BOC: variants seen among roughly 807,000 people sequenced by gnomAD.
The protein encoded by BOC is BOC cell adhesion associated, oncogene regulated.
BOC carries 76 observed loss-of-function variants against 112.0 expected under a neutral mutation model. That is an observed-to-expected ratio of 0.68 (90% confidence interval 0.56 to 0.82). BOC has a LOEUF of 0.82. BOC is among the 40% of genes least tolerant of loss of function. The probability of loss-of-function intolerance (pLI) is 0.00; values close to 1 mark genes in which losing one functional copy is unlikely to be tolerated. For missense variants in BOC, 1,309 were observed against 1,511.7 expected, an observed-to-expected ratio of 0.87 and a Z score of 2.22; for synonymous variants, 580 against 599.8, an observed-to-expected ratio of 0.97 and a Z score of 0.48.
chr3:113,241,569 A>G (rs1467134737), intron 2 of BOC, among the ~76,000 whole-genome samples: 1 of 152,174 alleles, frequency 6.6e-6, no homozygotes, highest in African/African-American at 2.4e-5. Context: ...GGACCTTTTG[A>G]AAGGAAGAAA....
chr3:113,273,072 C>A lies in BOC; in HGVS notation c.965C>A (p.Pro322His), dbSNP rs1230447020. 2.5e-6 allele frequency: 4 copies of A among 1,598,332 alleles called. No homozygotes were observed. Among genetic ancestry groups the A allele is most frequent in the Non-Finnish European group, 3.4e-6 (4 of 1,167,516 alleles). ...VILYNVQVFE[P>H]PEVTMELSQL... is the part of the protein sequence containing the mutation. ...CCCTGCTCTGGTTTCCTGGCAGAAC[C>A]CCCTGAGGTCACCATGGAGCTATCC... Residue 322 changes from proline to histidine, a missense_variant, in exon 8 of 20, where the codon CCC becomes CAC. Pro to His is a moderately conservative substitution (Grantham distance 77, BLOSUM62 -2). Transcript: ENST00000682979.
intron 2 of BOC, among the ~76,000 whole-genome samples, chr3:113,232,555 C>T (rs1004559797): frequency 1.5e-4 from 18 of 118,982 alleles, no homozygotes; most frequent in Non-Finnish European, 2.9e-4. Context: ...GAGCTGTTTG[C>T]TGTGCGAGTG....
intron 4 of BOC, among the ~76,000 whole-genome samples, chr3:113,256,730 G>T (rs1479237680): frequency 6.6e-6 from 1 of 151,928 alleles, no homozygotes; most frequent in Non-Finnish European, 1.5e-5. Context: ...GGGTTCTCCA[G>T]AGAAGCAGAA....
Position 113,279,304 on chromosome 3 carries a change from C to T in BOC, c.1872C>T (p.Tyr624=), listed in dbSNP as rs1358751584. 2.9e-5 allele frequency: 47 copies of T among 1,614,054 alleles called. No homozygotes were observed. The highest frequency in any genetic ancestry group is 3.9e-5 in the Non-Finnish European group (46 of 1,180,032). Residue 624 remains tyrosine, a synonymous_variant, in exon 12 of 20, where the codon TAC becomes TAT. Coordinates refer to ENST00000682979, the MANE Select transcript of BOC (RefSeq NM_001378074.1). ...TISTASETSV[Y]VTWIPRGNGG... ...CCACGGCCTCCGAGACCTCAGTGTA[C>T]GTGACCTGGATTCCCCGTGGGAATG...
intron 7 of BOC, among the ~76,000 whole-genome samples, 170 bp downstream of exon 7, chr3:113,272,873 G>A (rs1272519509): frequency 6.6e-6 from 1 of 151,970 alleles, no homozygotes; most frequent in Admixed American, 6.6e-5. Flanking sequence ...CAGAGTAAGA[G>A]CACGCAGTCC....
intron 15 of BOC, among the ~76,000 whole-genome samples, chr3:113,282,587 C>T (rs777017169): frequency 6.6e-6 from 1 of 152,068 alleles, no homozygotes; most frequent in Non-Finnish European, 1.5e-5. Flanking sequence ...TGATAAGGAG[C>T]AGAGCTCCTG....
chr3:113,225,222 C>A (rs563977752), intron 2 of BOC, among the ~76,000 whole-genome samples: 1 of 149,890 alleles, frequency 6.7e-6, no homozygotes, highest in African/African-American at 2.5e-5. Flanking sequence ...TGTAGTGAGC[C>A]GAGATTGCAC....
At chr3:113,281,468 G>C (rs1374004025) in intron 15 of BOC, among the ~76,000 whole-genome samples, 1 of 152,196 alleles carries the variant, frequency 6.6e-6, no homozygotes, top group Non-Finnish European at 1.5e-5. Context: ...ACATGGGTTG[G>C]TTTATTTAAC....
At chr3:113,268,226 G>T (rs1947724203) in intron 4 of BOC, 73 bp from the exon 5 acceptor site, 3 of 1,584,476 alleles carry the variant, frequency 1.9e-6, no homozygotes, top group African/African-American at 2.7e-5. Context: ...CAACACCAAG[G>T]CACAAGCCCA....
Position 113,249,719 on chromosome 3 carries a change from CAG to C in BOC, c.-81_-80del, listed in dbSNP as rs1380400500. 2.0e-5 allele frequency: 23 copies of C among 1,159,250 alleles called. No homozygotes were observed. The East Asian group carries it at 5.6e-4, about 28-fold the overall frequency. 71.8% of individuals were successfully genotyped at this position (1,159,250 alleles called of 1,614,324 possible). A position where few individuals can be genotyped will look rare whatever the true frequency, so the allele number is the denominator to read the frequency against. On this transcript the variant is annotated splice_acceptor_variant, in intron 2 of 19. Transcript: ENST00000682979. LOFTEE classifies it low-confidence loss of function (5UTR_SPLICE). ...ATTGCTCTCCCTTTCTCTCTTACAA[CAG>C]AGTGTTGCCAGGGACGGCAGTATCT...
At chr3:113,270,179 C>T (rs896700419) in intron 5 of BOC, 1 of 152,242 alleles carries the variant, frequency 6.6e-6, no homozygotes, top group Admixed American at 6.5e-5. Context: ...AATAATGAGG[C>T]GATTCCGAGT....
intron 2 of BOC, chr3:113,216,486 G>T (rs1015291218): frequency 2.0e-5 from 6 of 305,856 alleles, no homozygotes; most frequent in Non-Finnish European, 3.3e-5. Context: ...GAACCCCCTT[G>T]CTCTGTGGCA....
At chr3:113,235,441 T>C (rs952991314) in intron 2 of BOC, among the ~76,000 whole-genome samples, 6 of 152,082 alleles carry the variant, frequency 3.9e-5, no homozygotes, top group African/African-American at 1.4e-4. Context: ...AGGGGTATGT[T>C]TTCCTTTATA....
chr3:113,221,581 A>G lies in BOC; in HGVS notation c.-82+5307A>G, dbSNP rs139423108. Among the ~76,000 whole-genome samples, 342 of 152,300 alleles carry G rather than the reference A, an allele frequency of 2.2e-3. 2 individuals are homozygous for G. Among genetic ancestry groups the G allele is most frequent in the African/African-American group, 7.4e-3 (309 of 41,568 alleles). ...TCTCATCCTCCACTTTAAATTGGCC[A>G]GTAATATTGGCCTTACCTTCAAAAT... On this transcript the variant is annotated intron_variant, in intron 2 of 19. Coordinates refer to ENST00000682979, the MANE Select transcript of BOC (RefSeq NM_001378074.1).
In BOC at chr3:113,274,668, G is replaced by A. The variant is rs1204122400; in HGVS notation, c.1528G>A (p.Val510Met). ...CCGGGCGCCAATCCTCTACTATGTGGTGAAACACCGCAAGGTATGGCCCTG... is the reference window on the plus strand; with the variant it reads ...CCGGGCGCCAATCCTCTACTATGTGATGAAACACCGCAAGGTATGGCCCTG... ...SGRAPILYYV[V>M]KHRKQVTNSS... The change falls in exon 9 of 20, where the codon GTG becomes ATG. Residue 510 changes from valine (V) to methionine (M), a missense_variant. Physicochemically the swap from Val to Met is conservative, Grantham distance 21. Coordinates refer to ENST00000682979, the MANE Select transcript of BOC (RefSeq NM_001378074.1). The surrounding 1 kb of genome is among the most constrained non-coding windows in gnomAD (Gnocchi z 4.8). 2 of 1,596,746 alleles carry A rather than the reference G, an allele frequency of 1.3e-6. No individual in the cohort carries two copies. Among genetic ancestry groups the A allele is most frequent in the Non-Finnish European group, 1.7e-6 (2 of 1,167,548 alleles).
chr3:113,251,069 A>G (rs1945573123), intron 4 of BOC: 1 of 615,794 alleles, frequency 1.6e-6, no homozygotes, highest in African/African-American at 1.8e-5. Flanking sequence ...GTCTACAGAG[A>G]GGGGAATTGG....
At chr3:113,237,674 C>G (rs760597527) in intron 2 of BOC, among the ~76,000 whole-genome samples, 4 of 152,214 alleles carry the variant, frequency 2.6e-5, no homozygotes, top group African/African-American at 7.2e-5. Context: ...CAACTCCCCT[C>G]CAGGATTGCC....
intron 4 of BOC, among the ~76,000 whole-genome samples, chr3:113,258,364 C>G (rs544425008): frequency 6.6e-6 from 1 of 152,320 alleles, no homozygotes; most frequent in South Asian, 2.1e-4. Flanking sequence ...TTGTCTCTCT[C>G]TCTCCATCCT....
chr3:113,268,655 G>C (rs1246772113), intron 5 of BOC, among the ~76,000 whole-genome samples: 1 of 152,150 alleles, frequency 6.6e-6, no homozygotes, highest in Non-Finnish European at 1.5e-5. Flanking sequence ...CACCCAAGCT[G>C]GAGTGCAGTG....
Sources: gnomAD v4.1 joint callset for allele counts (sites outside exome capture counted in the v4.1 genomes callset) on GRCh38, gnomAD v4.1.1 for gene constraint, Gnocchi (gnomAD v3.1) non-coding constraint, MANE v1.5 for transcripts, NCBI Gene and HGNC (gene_info 2026-07-23, HGNC 2026-07-21) for gene names.